SCIN: variants seen among roughly 807,000 people sequenced by gnomAD.
SCIN encodes adseverin.
SCIN carries 91 observed loss-of-function variants against 91.8 expected under a neutral mutation model. The ratio of observed to expected loss-of-function variants is 0.99; its 90% CI spans 0.84 to 1.18. The LOEUF (loss-of-function observed/expected upper bound fraction) is 1.18. SCIN is among the 50% of genes most tolerant of loss of function. The pLI is 0.00. For missense variants in SCIN, 1,087 were observed against 863.9 expected, an observed-to-expected ratio of 1.26 and a Z score of -3.24; for synonymous variants, 367 against 312.6, an observed-to-expected ratio of 1.17 and a Z score of -1.84.
intron 3 of SCIN, among the ~76,000 whole-genome samples, chr7:12,584,836 C>T (rs1782555339): frequency 6.6e-6 from 1 of 152,054 alleles, no homozygotes; most frequent in Admixed American, 6.5e-5. Context: ...AAAATACTAC[C>T]AGTAACTGCA....
chr7:12,577,750 T>G, intron 1 of SCIN: 1 of 402,776 alleles, frequency 2.5e-6, no homozygotes, highest in South Asian at 2.1e-5. Flanking sequence ...AAGCTGCTTG[T>G]GAGACTGAGG....
chr7:12,634,882 CTTA>C (rs1190181089), intron 9 of SCIN, among the ~76,000 whole-genome samples: 1 of 152,102 alleles, frequency 6.6e-6, no homozygotes, highest in Admixed American at 6.5e-5. Context: ...CTTGTATAGC[CTTA>C]TTAATAATTC....
chr7:12,638,851 T>C (rs1291251591), intron 10 of SCIN, among the ~76,000 whole-genome samples: 1 of 152,218 alleles, frequency 6.6e-6, no homozygotes, highest in Non-Finnish European at 1.5e-5. Context: ...TTAAATGCAC[T>C]CAATTCTATG....
intron 3 of SCIN, among the ~76,000 whole-genome samples, chr7:12,591,858 A>T (rs1040248816): frequency 2.6e-5 from 4 of 152,078 alleles, no homozygotes; most frequent in Admixed American, 1.3e-4. Context: ...GTCATCATGG[A>T]GATGGAGAGT....
chr7:12,579,423 C>G (rs972177422), intron 2 of SCIN, among the ~76,000 whole-genome samples: 1 of 152,112 alleles, frequency 6.6e-6, no homozygotes, highest in Non-Finnish European at 1.5e-5. Context: ...TCAGTGAACT[C>G]AACATTTTAA....
At chr7:12,597,384 C>A (rs1162843593) in intron 3 of SCIN, among the ~76,000 whole-genome samples, 2 of 152,174 alleles carry the variant, frequency 1.3e-5, no homozygotes, top group East Asian at 3.9e-4. Context: ...CTCCTTTAAT[C>A]AGATTTTAGA....
intron 1 of SCIN, chr7:12,571,606 GC>G (rs1782272709): frequency 4.3e-6 from 2 of 468,622 alleles, no homozygotes. Context: ...TCATTCGGAA[GC>G]TGGCGTCCTC....
intron 2 of SCIN, among the ~76,000 whole-genome samples, chr7:12,578,608 A>G (rs941664640): frequency 6.6e-6 from 1 of 152,100 alleles, no homozygotes; most frequent in African/African-American, 2.4e-5. Context: ...TTCTGCAAGT[A>G]ACCTAAGCCT....
At chr7:12,614,262 A>C (rs1220955327) in intron 4 of SCIN, among the ~76,000 whole-genome samples, 1 of 152,090 alleles carries the variant, frequency 6.6e-6, no homozygotes, top group Non-Finnish European at 1.5e-5. Context: ...TTTTTGTTAC[A>C]TTTTCTTGAT....
At chr7:12,609,831 C>T (rs560630849) in intron 4 of SCIN, among the ~76,000 whole-genome samples, 1 of 151,796 alleles carries the variant, frequency 6.6e-6, no homozygotes, top group South Asian at 2.1e-4. Flanking sequence ...CTGTAAGGCT[C>T]TCTGGAAAGT....
At chr7:12,640,255 C>T in intron 10 of SCIN, 92 bp from the exon 11 acceptor site, 1 of 1,142,880 alleles carries the variant, frequency 8.7e-7, no homozygotes, top group East Asian at 3.0e-5. Context: ...GTTTTATTTT[C>T]AAAAAGACAA....
chr7:12,644,938 C>T (rs1170144518), intron 13 of SCIN, among the ~76,000 whole-genome samples: 3 of 150,892 alleles, frequency 2.0e-5, no homozygotes, highest in African/African-American at 7.3e-5. Context: ...TCACTTGAAC[C>T]CAGGAGGCGG....
At chr7:12,621,298 A>G (rs1783402453) in intron 4 of SCIN, among the ~76,000 whole-genome samples, 3 of 152,086 alleles carry the variant, frequency 2.0e-5, no homozygotes. Context: ...GCATCTCTCT[A>G]CCTCTGGAGT....
intron 4 of SCIN, among the ~76,000 whole-genome samples, chr7:12,607,693 A>T (rs1167034590): frequency 6.6e-6 from 1 of 152,218 alleles, no homozygotes; most frequent in Non-Finnish European, 1.5e-5. Flanking sequence ...CAATGAACTG[A>T]GATGAATTTT....
intron 3 of SCIN, among the ~76,000 whole-genome samples, chr7:12,594,491 T>C (rs955026623): frequency 9.9e-5 from 15 of 152,188 alleles, no homozygotes; most frequent in Non-Finnish European, 2.1e-4. Context: ...TCTAAGTATA[T>C]TGAAATCGAA....
rs1388836719 is a variant in SCIN at position 12,654,254 on chromosome 7, T to C, written c.*1539T>C. 3.9e-5 allele frequency: 6 copies of C among 152,208 alleles called. No homozygotes were observed. The highest frequency in any genetic ancestry group is 8.8e-5 in the Non-Finnish European group (6 of 68,026). 9.4% of individuals were successfully genotyped at this position (152,208 alleles called of 1,614,324 possible). A position where few individuals can be genotyped will look rare whatever the true frequency, so the allele number is the denominator to read the frequency against. Reference sequence around the variant, plus strand: ...TGGTAGAAGCTGCTGTCCCTTAGTATTGAATATCTCTATTTTCTTTTAATC... The same window carrying C: ...TGGTAGAAGCTGCTGTCCCTTAGTACTGAATATCTCTATTTTCTTTTAATC... On this transcript the variant is annotated 3_prime_UTR_variant, in exon 16 of 16. Coordinates refer to ENST00000297029, the MANE Select transcript of SCIN (RefSeq NM_001112706.3).
chr7:12,602,198 T>C (rs1029811770), intron 3 of SCIN, among the ~76,000 whole-genome samples: 1 of 152,170 alleles, frequency 6.6e-6, no homozygotes, highest in Non-Finnish European at 1.5e-5. Flanking sequence ...GGTAGGACCA[T>C]GATGCCCACC....
chr7:12,598,670 A>G (rs1349222079), intron 3 of SCIN, among the ~76,000 whole-genome samples: 2 of 152,224 alleles, frequency 1.3e-5, no homozygotes, highest in Non-Finnish European at 2.9e-5. Flanking sequence ...AGGCAGGCAG[A>G]TCGCTTGAAC....
At chr7:12,571,461 C>A (rs188925007) in intron 1 of SCIN, 60 of 370,692 alleles carry the variant, frequency 1.6e-4, no homozygotes, top group Non-Finnish European at 2.7e-4. Context: ...TTTCTTCACA[C>A]ATTATTTTTA....
Sources: allele counts gnomAD v4.1 joint callset (sites outside exome capture counted in the v4.1 genomes callset), GRCh38; gene constraint gnomAD v4.1.1; transcripts MANE v1.5; gene names NCBI Gene and HGNC (gene_info 2026-07-23, HGNC 2026-07-21).